Variants in SLC9A7 observed in about 807,000 individuals in gnomAD.
The protein encoded by SLC9A7 is sodium/hydrogen exchanger 7.
Under a neutral mutation model 52.6 loss-of-function variants are expected in SLC9A7, and 19 were observed. The ratio of observed to expected loss-of-function variants is 0.36; its 90% CI spans 0.25 to 0.53. The LOEUF (loss-of-function observed/expected upper bound fraction) is 0.53. Among genes scored for constraint, SLC9A7 ranks in the 20% least tolerant of loss-of-function variants. SLC9A7 has a pLI of 0.91. For synonymous variants in SLC9A7, 226 were observed against 252.1 expected (o/e 0.90, Z 0.98); for missense variants, 455 against 597.9 (o/e 0.76, Z 2.49).
chrX:46,717,056 G>A (rs1293634192), intron 1 of SLC9A7, among the ~76,000 whole-genome samples: 2 of 112,410 alleles, frequency 1.8e-5, no homozygotes, highest in Non-Finnish European at 3.8e-5. Flanking sequence ...AATTGGGAAG[G>A]GGGTGTCCCA....
rs565575253 is a variant in SLC9A7 at position 46,606,913 on chromosome X, C to T, written c.*39G>A. On this transcript the variant is annotated 3_prime_UTR_variant, in exon 17 of 17. Transcript: ENST00000616978. ...GGGCTTGCAGCTGTCCTCACCCCAT[C>T]GGGAGCCTACCCCATCGCGCCAGGG... is the stretch of plus-strand genomic sequence containing the variant. 3 of 1,206,795 alleles carry T rather than the reference C, an allele frequency of 2.5e-6. No homozygotes were observed. Among genetic ancestry groups the T allele is most frequent in the South Asian group, 3.5e-5 (2 of 56,422 alleles).
intron 1 of SLC9A7, among the ~76,000 whole-genome samples, chrX:46,712,603 C>G (rs1234095501): frequency 8.9e-6 from 1 of 112,020 alleles, no homozygotes; most frequent in South Asian, 3.7e-4. Flanking sequence ...CAGTTACTCA[C>G]GTTGAAACAT....
chrX:46,749,955 C>A (rs374720962), intron 1 of SLC9A7, among the ~76,000 whole-genome samples: 1 of 110,182 alleles, frequency 9.1e-6, no homozygotes, highest in African/African-American at 3.3e-5. Context: ...GTGGAGCATG[C>A]CTGTAATCCC....
At chrX:46,663,816 G>A (rs905676170) in intron 5 of SLC9A7, among the ~76,000 whole-genome samples, 5 of 109,619 alleles carry the variant, frequency 4.6e-5, no homozygotes, top group African/African-American at 1.3e-4. Context: ...AAAATTAGCC[G>A]GGTGTGGTGG....
chrX:46,747,847 C>T (rs1378556031), intron 1 of SLC9A7, among the ~76,000 whole-genome samples: 1 of 111,937 alleles, frequency 8.9e-6, no homozygotes, highest in Non-Finnish European at 1.9e-5. Flanking sequence ...CCACTTCACA[C>T]CTACTAGGGT....
chrX:46,633,230 T>C (rs762686974), intron 13 of SLC9A7, among the ~76,000 whole-genome samples: 17 of 105,199 alleles, frequency 1.6e-4, no homozygotes, highest in African/African-American at 5.9e-4. Context: ...CAGAGGAGTG[T>C]GGGAAGGCCC....
At position 46,669,796 on chromosome X, in the gene SLC9A7, G is replaced by C. The variant is rs1943989208; in HGVS notation, c.681-77C>G. The stretch of plus-strand genomic sequence containing the variant: ...CAAACACGCAAGCAGAATAGCACTA[G>C]AATGCTGCTCTTAGAGATTTATGAA... On this transcript the variant is annotated intron_variant, in intron 4 of 16. Coordinates refer to ENST00000616978, the MANE Select transcript of SLC9A7 (RefSeq NM_001257291.2). 5 of 444,771 alleles carry C rather than the reference G, an allele frequency of 1.1e-5. No individual in the cohort carries two copies. The East Asian group carries it at 2.1e-4, about 18-fold the overall frequency. 36.7% of individuals were successfully genotyped at this position (444,771 alleles called of 1,213,427 possible).
intron 15 of SLC9A7, 90 bp from the exon 16 acceptor site, chrX:46,613,484 A>T: frequency 1.7e-6 from 1 of 597,241 alleles, no homozygotes; most frequent in East Asian, 3.5e-5. Flanking sequence ...TTCCACCCAC[A>T]AAAACCTTCT....
chrX:46,694,069 T>C (rs991318157), intron 1 of SLC9A7, among the ~76,000 whole-genome samples: 3 of 110,354 alleles, frequency 2.7e-5, no homozygotes, highest in African/African-American at 9.9e-5. Flanking sequence ...GGGGAGTGGG[T>C]TGAAAAACTA....
At chrX:46,641,447 T>C (rs1430801789) in intron 12 of SLC9A7, among the ~76,000 whole-genome samples, 2 of 112,092 alleles carry the variant, frequency 1.8e-5, no homozygotes, top group Non-Finnish European at 3.8e-5. Flanking sequence ...GAGCATCTAC[T>C]AGGTGACCAG....
intron 14 of SLC9A7, among the ~76,000 whole-genome samples, chrX:46,622,680 C>G (rs1943064941): frequency 9.0e-6 from 1 of 111,715 alleles, no homozygotes. Flanking sequence ...CACTGGACTA[C>G]TTAATTTCTT....
intron 1 of SLC9A7, among the ~76,000 whole-genome samples, chrX:46,716,014 A>C (rs1345652607): frequency 8.9e-6 from 1 of 111,930 alleles, no homozygotes; most frequent in African/African-American, 3.2e-5. Flanking sequence ...TATTTCTGGC[A>C]AAAGTCCTTA....
intron 14 of SLC9A7, among the ~76,000 whole-genome samples, chrX:46,629,320 G>C (rs1016741043): frequency 2.7e-5 from 3 of 112,234 alleles, no homozygotes; most frequent in East Asian, 5.6e-4. Flanking sequence ...AGGTTCCTGA[G>C]ACTCACTCCA....
intron 13 of SLC9A7, among the ~76,000 whole-genome samples, chrX:46,632,656 C>A (rs1034450147): frequency 9.0e-6 from 1 of 111,716 alleles, no homozygotes; most frequent in Admixed American, 9.5e-5. Flanking sequence ...TCCACTGACC[C>A]GTTTCTCTCC....
At position 46,599,979 on chromosome X, in the gene SLC9A7, T is replaced by G. The variant is rs1397523814; in HGVS notation, c.*6973A>C. Reference sequence around the variant, plus strand: ...CATTTAACCATTTTCATGGACATAGTACAACTTTCCAAGTAAAAAGTACCA... The same window carrying G: ...CATTTAACCATTTTCATGGACATAGGACAACTTTCCAAGTAAAAAGTACCA... On this transcript the variant is annotated 3_prime_UTR_variant, in exon 17 of 17. Transcript: ENST00000616978. 8.9e-6 allele frequency: 1 copy of G among 112,181 alleles called. No homozygotes were observed. Among genetic ancestry groups the G allele is most frequent in the East Asian group, 2.8e-4 (1 of 3,606 alleles). 9.2% of individuals were successfully genotyped at this position (112,181 alleles called of 1,213,427 possible). A position where few individuals can be genotyped will look rare whatever the true frequency, so the allele number is the denominator to read the frequency against.
At chrX:46,682,950 C>T (rs763834854) in intron 1 of SLC9A7, among the ~76,000 whole-genome samples, 1 of 77,824 alleles carries the variant, frequency 1.3e-5, no homozygotes, top group South Asian at 7.3e-4. Context: ...CCCACCACTA[C>T]ACCCGGCTAA....
intron 11 of SLC9A7, chrX:46,646,848 A>C: frequency 3.0e-6 from 1 of 331,858 alleles, no homozygotes; most frequent in South Asian, 3.2e-5. Context: ...TCTTCATTCC[A>C]AAGGGCAGAG....
At chrX:46,668,406 G>A (rs938083003) in intron 5 of SLC9A7, among the ~76,000 whole-genome samples, 6 of 111,293 alleles carry the variant, frequency 5.4e-5, no homozygotes, top group South Asian at 3.8e-4. Context: ...CAGGTACTCC[G>A]GAGGCTGAGG....
In SLC9A7 at chrX:46,671,422, G is replaced by A. The variant is rs1024283947; in HGVS notation, c.680+1129C>T. Reference sequence around the variant, plus strand: ...ACTACAGGCGCCCGCCACCACTCCCGGCTAATTTTTTTTTTTTTTTGGATT... The same window carrying A: ...ACTACAGGCGCCCGCCACCACTCCCAGCTAATTTTTTTTTTTTTTTGGATT... On this transcript the variant is annotated intron_variant, in intron 4 of 16. Coordinates refer to ENST00000616978, the MANE Select transcript of SLC9A7 (RefSeq NM_001257291.2). Among the ~76,000 whole-genome samples, 456 of 107,908 alleles carry A rather than the reference G, an allele frequency of 4.2e-3. 2 individuals carry two copies. The highest frequency in any genetic ancestry group is 4.3e-3 in the Non-Finnish European group (228 of 52,511). 93.7% of individuals were successfully genotyped at this position (107,908 alleles called of 115,157 possible). A position where few individuals can be genotyped will look rare whatever the true frequency, so the allele number is the denominator to read the frequency against.
Sources: allele counts gnomAD v4.1 joint callset (sites outside exome capture counted in the v4.1 genomes callset), GRCh38; gene constraint gnomAD v4.1.1; transcripts MANE v1.5; gene names NCBI Gene and HGNC (gene_info 2026-07-23, HGNC 2026-07-21).